PLCB4: variants seen among roughly 807,000 people sequenced by gnomAD.
PLCB4 encodes 1-phosphatidylinositol 4,5-bisphosphate phosphodiesterase beta-4.
Under a neutral mutation model 178.8 loss-of-function variants are expected in PLCB4, and 77 were observed. The ratio of observed to expected loss-of-function variants is 0.43; its 90% CI spans 0.36 to 0.52. The LOEUF is 0.52. Among genes scored for constraint, PLCB4 ranks in the 20% least tolerant of loss-of-function variants. PLCB4 has a pLI of 0.00. For missense variants in PLCB4, 1,024 were observed against 1,453.4 expected (o/e 0.70, Z 4.80); for synonymous variants, 496 against 490.8 (o/e 1.01, Z -0.14).
intron 3 of PLCB4, among the ~76,000 whole-genome samples, chr20:9,248,089 G>A (rs749272021): frequency 1.3e-5 from 2 of 151,818 alleles, no homozygotes; most frequent in Non-Finnish European, 1.5e-5. Context: ...TATTGTGATC[G>A]GTTAGCTCTC....
chr20:9,083,004 T>G (rs2090229441), intron 1 of PLCB4, among the ~76,000 whole-genome samples: 1 of 152,192 alleles, frequency 6.6e-6, no homozygotes, highest in Admixed American at 6.5e-5. Context: ...ACCAACAGGT[T>G]TTCCATAAAG....
At chr20:9,305,833 T>C (rs1413707964) in intron 3 of PLCB4, among the ~76,000 whole-genome samples, 3 of 152,232 alleles carry the variant, frequency 2.0e-5, no homozygotes, top group Admixed American at 6.5e-5. Flanking sequence ...TTTAGTGTTG[T>C]GGATGATGTA....
chr20:9,383,953 G>C (rs2148368400), intron 13 of PLCB4, among the ~76,000 whole-genome samples: 1 of 152,204 alleles, frequency 6.6e-6, no homozygotes, highest in South Asian at 2.1e-4. Flanking sequence ...TCTGAACTTG[G>C]GGGACCATGT....
chr20:9,246,097 A>T (rs1022792716), intron 3 of PLCB4, among the ~76,000 whole-genome samples: 2 of 152,184 alleles, frequency 1.3e-5, no homozygotes, highest in African/African-American at 4.8e-5. Context: ...TTTTTCACTT[A>T]ATATGACAAA....
intron 3 of PLCB4, among the ~76,000 whole-genome samples, chr20:9,301,888 C>T (rs771322471): frequency 3.9e-5 from 6 of 152,076 alleles, no homozygotes; most frequent in Non-Finnish European, 5.9e-5. Flanking sequence ...TAGAACAATG[C>T]GACTATTTAA....
chr20:9,152,300 C>A (rs1053116749), intron 2 of PLCB4, among the ~76,000 whole-genome samples: 1 of 152,126 alleles, frequency 6.6e-6, no homozygotes, highest in African/African-American at 2.4e-5. Flanking sequence ...TGTCTCCAGG[C>A]CATATCAGAG....
At chr20:9,104,698 TC>T (rs1414687402) in intron 2 of PLCB4, among the ~76,000 whole-genome samples, 2 of 152,152 alleles carry the variant, frequency 1.3e-5, no homozygotes, top group Admixed American at 1.3e-4. Context: ...TCTGGATTTT[TC>T]TTCTTTTGCC....
intron 39 of PLCB4, among the ~76,000 whole-genome samples, chr20:9,478,159 CAAGT>C: frequency 6.6e-6 from 1 of 152,234 alleles, no homozygotes; most frequent in Non-Finnish European, 1.5e-5. Flanking sequence ...TGTTTCCAAG[CAAGT>C]ATTTCTCACC....
chr20:9,206,996 G>A lies in PLCB4; in HGVS notation c.-78-10394G>A, dbSNP rs181329244. Among the ~76,000 whole-genome samples, 1,226 of 152,114 alleles carry A rather than the reference G, an allele frequency of 8.1e-3. 5 individuals are homozygous for A. The highest frequency in any genetic ancestry group is 0.013 in the Non-Finnish European group (907 of 67,992). On this transcript the variant is annotated intron_variant, in intron 2 of 39. Coordinates refer to ENST00000378473, the MANE Select transcript of PLCB4 (RefSeq NM_001377142.1). ...CCTGGCATGGTGGTGGGTGCCTGTA[G>A]TCCCAGCTACTCGGGAGGCTGAGGC...
intron 2 of PLCB4, among the ~76,000 whole-genome samples, chr20:9,216,431 A>T (rs2093733417): frequency 6.6e-6 from 1 of 151,830 alleles, no homozygotes; most frequent in East Asian, 1.9e-4. Flanking sequence ...GTTAGCCAGG[A>T]TGGTCTTGAT....
chr20:9,173,117 G>C (rs1337860657), intron 2 of PLCB4, among the ~76,000 whole-genome samples: 2 of 152,190 alleles, frequency 1.3e-5, no homozygotes, highest in Non-Finnish European at 2.9e-5. Context: ...ACTCTTGGTT[G>C]GCCTTGCAAA....
At chr20:9,170,631 G>T (rs2093048938) in intron 2 of PLCB4, among the ~76,000 whole-genome samples, 1 of 152,184 alleles carries the variant, frequency 6.6e-6, no homozygotes, top group Non-Finnish European at 1.5e-5. Context: ...GGTTCACACT[G>T]CTTCTTCAGA....
At chr20:9,341,672 A>C (rs1464322695) in intron 7 of PLCB4, among the ~76,000 whole-genome samples, 2 of 132,050 alleles carry the variant, frequency 1.5e-5, no homozygotes, top group Admixed American at 1.5e-4. Context: ...ACTTTTACTG[A>C]AAAAAAATCC....
intron 2 of PLCB4, among the ~76,000 whole-genome samples, chr20:9,126,534 A>G (rs1246804255): frequency 6.6e-6 from 1 of 152,214 alleles, no homozygotes; most frequent in Admixed American, 6.5e-5. Flanking sequence ...TTACCATGAT[A>G]ACATATTACT....
At chr20:9,225,419 A>C (rs1021188585) in intron 3 of PLCB4, among the ~76,000 whole-genome samples, 1 of 152,168 alleles carries the variant, frequency 6.6e-6, no homozygotes, top group African/African-American at 2.4e-5. Flanking sequence ...CCTTCAGTTT[A>C]CCTTCAAGGT....
intron 29 of PLCB4, among the ~76,000 whole-genome samples, chr20:9,436,641 A>G (rs2041790130): frequency 6.6e-6 from 1 of 152,210 alleles, no homozygotes; most frequent in Admixed American, 6.5e-5. Flanking sequence ...GGCGTGAGCC[A>G]CCATGCCCAG....
chr20:9,331,903 A>C (rs2031717247), intron 4 of PLCB4, among the ~76,000 whole-genome samples: 1 of 152,178 alleles, frequency 6.6e-6, no homozygotes, highest in African/African-American at 2.4e-5. Flanking sequence ...AAGTGATTCT[A>C]GACTCTCAAA....
chr20:9,336,774 T>C (rs2032531188), intron 4 of PLCB4, among the ~76,000 whole-genome samples: 1 of 151,810 alleles, frequency 6.6e-6, no homozygotes, highest in African/African-American at 2.4e-5. Flanking sequence ...AACCAGTGAC[T>C]TAAAAAATAA....
At chr20:9,284,560 G>A (rs1336107342) in intron 3 of PLCB4, among the ~76,000 whole-genome samples, 1 of 151,866 alleles carries the variant, frequency 6.6e-6, no homozygotes, top group Non-Finnish European at 1.5e-5. Flanking sequence ...AAAGAGTTGG[G>A]GGAGAGGGAA....
Sources: gnomAD v4.1 joint callset for allele counts (sites outside exome capture counted in the v4.1 genomes callset) on GRCh38, gnomAD v4.1.1 for gene constraint, MANE v1.5 for transcripts, NCBI Gene and HGNC (gene_info 2026-07-23, HGNC 2026-07-21) for gene names.